IBTK: variants seen among roughly 807,000 people sequenced by gnomAD.
IBTK encodes BTK-binding protein.
A neutral mutation model predicts 154.9 loss-of-function variants in IBTK; 83 were observed. That is an observed-to-expected ratio of 0.54 (90% CI 0.45 to 0.64). The LOEUF (loss-of-function observed/expected upper bound fraction) is 0.64, where lower values mean the gene tolerates loss of function less well. Among genes scored for constraint, IBTK ranks in the 30% least tolerant of loss-of-function variants. The probability of loss-of-function intolerance (pLI) is 0.00; values close to 1 mark genes in which losing one functional copy is unlikely to be tolerated. For missense variants in IBTK, 1,332 were observed against 1,584.6 expected (o/e 0.84, Z 2.71); for synonymous variants, 515 against 536.1 (o/e 0.96, Z 0.54).
chr6:82,211,794 C>T (rs555453144), intron 13 of IBTK, among the ~76,000 whole-genome samples: 1 of 152,138 alleles, frequency 6.6e-6, no homozygotes, highest in East Asian at 1.9e-4. Context: ...TACAAATATT[C>T]AAAAAGTATT....
At chr6:82,220,456 A>G in intron 9 of IBTK, 134 bp downstream of exon 9, 1 of 833,200 alleles carries the variant, frequency 1.2e-6, no homozygotes, top group Non-Finnish European at 1.8e-6. Flanking sequence ...AAACATACTT[A>G]TTTTGGCACC....
At chr6:82,198,665 T>C (rs1357533095) in intron 21 of IBTK, among the ~76,000 whole-genome samples, 1 of 152,150 alleles carries the variant, frequency 6.6e-6, no homozygotes, top group African/African-American at 2.4e-5. Flanking sequence ...ATACAGCTGA[T>C]TGACTATGAA....
Position 82,196,341 on chromosome 6 carries a change from T to C in IBTK, c.3131A>G (p.Gln1044Arg). The C allele has an allele frequency of 6.2e-7, 1 of 1,611,000 alleles. No homozygotes were observed. Among genetic ancestry groups the C allele is most frequent in the Non-Finnish European group, 8.5e-7 (1 of 1,178,664 alleles). ...YAGVGSPRDL[Q>R]SPDFTTGFHS... Reference sequence around the variant, plus strand: ...AAATCCTGTTGTGAAATCAGGGGACTGTAAATCTCTAGGACTACCCACTCC... The same window carrying C: ...AAATCCTGTTGTGAAATCAGGGGACCGTAAATCTCTAGGACTACCCACTCC... Residue 1044 changes from glutamine (Q) to arginine (R), a missense_variant, in exon 22 of 29, where the codon CAG (glutamine) becomes CGG (arginine). Around this residue, in one of 3 missense-constraint regions of IBTK, gnomAD observed 1,134 missense variants for 1,274.7 expected, o/e 0.89. Transcript: ENST00000306270.
chr6:82,221,322 T>C (rs1467857522), intron 8 of IBTK, among the ~76,000 whole-genome samples: 4 of 152,138 alleles, frequency 2.6e-5, no homozygotes, highest in Non-Finnish European at 4.4e-5. Flanking sequence ...AGACTCTGTC[T>C]TAAAAAAGTA....
intron 3 of IBTK, among the ~76,000 whole-genome samples, chr6:82,233,179 T>G (rs1194140530): frequency 7.1e-6 from 1 of 140,808 alleles, no homozygotes; most frequent in Non-Finnish European, 1.5e-5. Flanking sequence ...AAAAAAAAAT[T>G]AATTGGGCAT....
chr6:82,212,385 T>C (rs557387118), intron 13 of IBTK, among the ~76,000 whole-genome samples: 1 of 152,312 alleles, frequency 6.6e-6, no homozygotes, highest in East Asian at 1.9e-4. Flanking sequence ...TGAAGAGGTA[T>C]AATTAATTGG....
chr6:82,224,090 C>T lies in IBTK; in HGVS notation c.921G>A (p.Met307Ile), dbSNP rs1165589745. 7.5e-6 allele frequency: 12 copies of T among 1,602,200 alleles called. No individual in the cohort carries two copies. The highest frequency in any genetic ancestry group is 1.0e-5 in the Non-Finnish European group (12 of 1,169,786). The change falls in exon 7 of 29, where the codon ATG becomes ATA. Residue 307 changes from methionine (M) to isoleucine (I), a missense_variant. Transcript: ENST00000306270. ...VLWTREAVYT[M>I]GLNGGQLGCL... ...TACCCAGTTGTCCACCATTTAGTCC[C>T]ATAGTGTAAACAGCTTCTCTAGTCC...
At chr6:82,231,522 G>T (rs1359141497) in intron 4 of IBTK, among the ~76,000 whole-genome samples, 196 bp downstream of exon 4, 1 of 151,978 alleles carries the variant, frequency 6.6e-6, no homozygotes, top group Admixed American at 6.6e-5. Context: ...ATATTTTAGG[G>T]TATTTTACAA....
chr6:82,226,270 A>C (rs1770294914), intron 5 of IBTK, among the ~76,000 whole-genome samples: 1 of 152,198 alleles, frequency 6.6e-6, no homozygotes, highest in South Asian at 2.1e-4. Context: ...TGAAAAGCAT[A>C]AACAATGCTT....
At chr6:82,204,716 A>G (rs920961646) in intron 17 of IBTK, 141 bp downstream of exon 17, 1 of 446,560 alleles carries the variant, frequency 2.2e-6, no homozygotes, top group East Asian at 3.5e-5. Context: ...ATGGCATGTA[A>G]TAATTTACAT....
chr6:82,200,723 A>G lies in IBTK; in HGVS notation c.2791-15T>C, dbSNP rs541607231. The G allele has an allele frequency of 1.4e-6, 2 of 1,433,414 alleles. No homozygotes were observed. The highest frequency in any genetic ancestry group is 1.5e-5 in the African/African-American group (1 of 66,914). The allele number at this position is 1,433,414 out of a possible 1,614,324, so 88.8% of individuals were successfully genotyped here. A position where few individuals can be genotyped will look rare whatever the true frequency, so the allele number is the denominator to read the frequency against. On this transcript the variant is annotated splice_polypyrimidine_tract_variant and intron_variant, in intron 19 of 28. Coordinates refer to ENST00000306270, the MANE Select transcript of IBTK (RefSeq NM_015525.4). ...ATTGCTGGAATCTGCAGAATTGAAGATATCACTTTTCAAATACAAAATCTG... is the reference window on the plus strand; with the variant it reads ...ATTGCTGGAATCTGCAGAATTGAAGGTATCACTTTTCAAATACAAAATCTG...
chr6:82,231,931 G>A (rs990552872), intron 3 of IBTK, 89 bp from the exon 4 acceptor site: 21 of 678,378 alleles, frequency 3.1e-5, no homozygotes, highest in Admixed American at 6.4e-5. Flanking sequence ...AGATGCCAAC[G>A]CTCTTCTCTG....
intron 2 of IBTK, among the ~76,000 whole-genome samples, chr6:82,235,682 G>A (rs952468622): frequency 2.6e-5 from 4 of 152,154 alleles, no homozygotes; most frequent in Non-Finnish European, 5.9e-5. Context: ...ATTTTAGTTT[G>A]AGGAATTTTT....
chr6:82,228,683 G>A (rs4706164), intron 4 of IBTK, among the ~76,000 whole-genome samples: 36,132 of 150,996 alleles, frequency 0.24, 4,388 homozygotes, highest in African/African-American at 0.28. Flanking sequence ...GTGCAGTGGC[G>A]CCATCTCGGT....
chr6:82,182,407 G>A (rs1046489729), intron 25 of IBTK, among the ~76,000 whole-genome samples: 2 of 151,868 alleles, frequency 1.3e-5, no homozygotes, highest in African/African-American at 4.8e-5. Context: ...AAAATTCACT[G>A]TATAGATGGA....
In IBTK at chr6:82,233,895, G is replaced by A. The variant is rs544284689; in HGVS notation, c.418+264C>T. On this transcript the variant is annotated intron_variant, in intron 3 of 28. Coordinates refer to ENST00000306270, the MANE Select transcript of IBTK (RefSeq NM_015525.4). ...ACTAGGATTGCCTGCTACCATGCCC[G>A]GCTAACTTTTGTATTTTTAGTAGAG... 1.4e-3 allele frequency among the ~76,000 whole-genome samples: 213 copies of A among 151,802 alleles called. 1 individual carries two copies. The highest frequency in any genetic ancestry group is 4.6e-3 in the African/African-American group (189 of 41,396).
At chr6:82,203,813 G>T (rs1769301019) in intron 17 of IBTK, among the ~76,000 whole-genome samples, 1 of 152,092 alleles carries the variant, frequency 6.6e-6, no homozygotes, top group Admixed American at 6.5e-5. Context: ...CTTTATTTTA[G>T]AATATTTTTC....
At chr6:82,212,851 A>G (rs999101945) in intron 12 of IBTK, 58 bp from the exon 13 acceptor site, 13 of 1,006,922 alleles carry the variant, frequency 1.3e-5, no homozygotes, top group Non-Finnish European at 1.7e-5. Context: ...TAAACATACA[A>G]CAAAAAATCC....
At position 82,185,939 on chromosome 6, in the gene IBTK, C is replaced by T. The variant is rs144343598; in HGVS notation, c.3576-3911G>A. Among the ~76,000 whole-genome samples, 7 of 152,132 alleles carry T rather than the reference C, an allele frequency of 4.6e-5. No individual in the cohort carries two copies. In the East Asian group the frequency reaches 1.4e-3, roughly 29 times the overall value. ...GCAACCTTGCATGGAGCAAGTATAT[C>T]GTGCCATTTTTCTAACAATACATGC... On this transcript the variant is annotated intron_variant, in intron 25 of 28. Coordinates refer to ENST00000306270, the MANE Select transcript of IBTK (RefSeq NM_015525.4).
Sources: gnomAD v4.1 joint callset for allele counts (sites outside exome capture counted in the v4.1 genomes callset) on GRCh38, gnomAD v4.1.1 for gene constraint, gnomAD v4.1.1 regional missense constraint, MANE v1.5 for transcripts, NCBI Gene and HGNC (gene_info 2026-07-23, HGNC 2026-07-21) for gene names.